SND1: variants seen among roughly 807,000 people sequenced by gnomAD.
SND1 encodes staphylococcal nuclease domain-containing protein 1.
SND1 carries 38 observed loss-of-function variants against 121.7 expected under a neutral mutation model. That is an observed-to-expected ratio of 0.31 (90% CI 0.24 to 0.41). The LOEUF is 0.41. Ranked by LOEUF, SND1 falls within the 10% of genes least tolerant of loss-of-function variation. SND1 has a pLI of 1.00. For missense variants in SND1, 868 were observed against 1,184.6 expected, an observed-to-expected ratio of 0.73 and a Z score of 3.92; for synonymous variants, 401 against 447.4, an observed-to-expected ratio of 0.90 and a Z score of 1.31.
chr7:127,827,871 G>A (rs911513858), intron 11 of SND1, among the ~76,000 whole-genome samples: 11 of 151,924 alleles, frequency 7.2e-5, no homozygotes, highest in African/African-American at 2.7e-4. Context: ...TATTTCAGAT[G>A]TAATTATACT....
intron 2 of SND1, among the ~76,000 whole-genome samples, chr7:127,693,305 A>C (rs1038864175): frequency 6.6e-6 from 1 of 152,176 alleles, no homozygotes; most frequent in African/African-American, 2.4e-5. Context: ...CATAAAATCA[A>C]GGTGAACTTG....
intron 15 of SND1, among the ~76,000 whole-genome samples, chr7:127,984,211 T>C (rs1377774112): frequency 6.6e-6 from 1 of 152,230 alleles, no homozygotes; most frequent in Non-Finnish European, 1.5e-5. Context: ...TCCTTTGGCA[T>C]GTCAGAAGCT....
chr7:128,088,808 A>C (rs1299083271), intron 21 of SND1, among the ~76,000 whole-genome samples: 1 of 151,694 alleles, frequency 6.6e-6, no homozygotes, highest in Non-Finnish European at 1.5e-5. Context: ...TCATGGACAT[A>C]GTGCACTGGA....
At chr7:127,869,447 A>T (rs1324478211) in intron 12 of SND1, among the ~76,000 whole-genome samples, 1 of 152,104 alleles carries the variant, frequency 6.6e-6, no homozygotes, top group Non-Finnish European at 1.5e-5. Flanking sequence ...ACCTTCAGAG[A>T]TTTATTCTGG....
intron 2 of SND1, among the ~76,000 whole-genome samples, chr7:127,688,727 A>T (rs73234879): frequency 3.2e-4 from 48 of 151,910 alleles, no homozygotes; most frequent in Non-Finnish European, 5.9e-4. Flanking sequence ...GTCTAAAAAA[A>T]AATAATAAAA....
chr7:128,014,694 T>G (rs1803188590), intron 16 of SND1, among the ~76,000 whole-genome samples: 1 of 152,038 alleles, frequency 6.6e-6, no homozygotes, highest in African/African-American at 2.4e-5. Context: ...GGCAGATCTG[T>G]GGAGGGGAGA....
At position 128,092,587 on chromosome 7, in the gene SND1, G is replaced by C. The variant is rs1793802184; in HGVS notation, c.*529G>C. The C allele has an allele frequency of 6.3e-6, 1 of 159,816 alleles. No homozygotes were observed. The highest frequency in any genetic ancestry group is 5.9e-5 in the Admixed American group (1 of 16,878). 9.9% of individuals were successfully genotyped at this position (159,816 alleles called of 1,614,324 possible). On this transcript the variant is annotated 3_prime_UTR_variant, in exon 24 of 24. Coordinates refer to ENST00000354725, the MANE Select transcript of SND1 (RefSeq NM_014390.4). This position sits in a 1 kb window ranked among gnomAD's most constrained non-coding sequence, Gnocchi z 4.9. ...GAGGCCCAATAAAATAGTACGTGCT[G>C]TCTGCAGCCCTTATTGATCACAGTG...
rs917528722 is a variant in SND1, at chr7:127,652,212, C to G, written c.-162C>G. 1.3e-5 allele frequency: 9 copies of G among 683,802 alleles called. No homozygotes were observed. Among genetic ancestry groups the G allele is most frequent in the East Asian group, 2.8e-5 (1 of 36,300 alleles). The allele number at this position is 683,802 out of a possible 1,614,324, so 42.4% of individuals were successfully genotyped here. The stretch of plus-strand genomic sequence containing the variant: ...ATCGCGTCTCTTTCGCTCCGTGTCC[C>G]GCTGCTGCTCCTGTGAGCGCCCGGC... On this transcript the variant is annotated 5_prime_UTR_variant, in exon 1 of 24. Coordinates refer to ENST00000354725, the MANE Select transcript of SND1 (RefSeq NM_014390.4).
chr7:128,068,183 G>A (rs1793349550), intron 16 of SND1, among the ~76,000 whole-genome samples: 2 of 152,060 alleles, frequency 1.3e-5, no homozygotes, highest in South Asian at 2.1e-4. Context: ...AATTTCCTCC[G>A]TGGTTTGAAA....
intron 16 of SND1, among the ~76,000 whole-genome samples, chr7:128,059,296 A>G (rs1793193620): frequency 6.6e-6 from 1 of 152,190 alleles, no homozygotes; most frequent in Non-Finnish European, 1.5e-5. Flanking sequence ...CATGTGTTTT[A>G]CATGGCATTT....
intron 11 of SND1, among the ~76,000 whole-genome samples, chr7:127,810,351 T>C (rs374559213): frequency 2.0e-4 from 30 of 152,286 alleles, no homozygotes; most frequent in African/African-American, 7.2e-4. Flanking sequence ...AGAAGAATAC[T>C]GTGTGTATCC....
At chr7:127,742,460 C>G (rs1796899211) in intron 10 of SND1, among the ~76,000 whole-genome samples, 1 of 152,046 alleles carries the variant, frequency 6.6e-6, no homozygotes, top group Non-Finnish European at 1.5e-5. Context: ...ATTCCAGATC[C>G]ACTGAACCCT....
At chr7:128,041,310 A>T (rs1311968760) in intron 16 of SND1, among the ~76,000 whole-genome samples, 2 of 152,178 alleles carry the variant, frequency 1.3e-5, no homozygotes, top group Admixed American at 6.5e-5. Context: ...TAAGAGGTGG[A>T]GGGCAGCGCA....
chr7:128,090,508 G>A (rs967652978), intron 22 of SND1, among the ~76,000 whole-genome samples: 2 of 152,182 alleles, frequency 1.3e-5, no homozygotes, highest in South Asian at 2.1e-4. Flanking sequence ...GGGGAAGCTC[G>A]GGCCCCCGAC....
chr7:127,758,500 C>T (rs1002791620), intron 10 of SND1, among the ~76,000 whole-genome samples: 1 of 151,876 alleles, frequency 6.6e-6, no homozygotes, highest in Non-Finnish European at 1.5e-5. Flanking sequence ...AATAGTATAT[C>T]AGGGGATTTT....
intron 15 of SND1, among the ~76,000 whole-genome samples, chr7:127,930,922 G>A (rs1584675359): frequency 6.6e-6 from 1 of 152,280 alleles, no homozygotes; most frequent in African/African-American, 2.4e-5. Context: ...TTCTCCAGCA[G>A]CATGTGTCTA....
intron 16 of SND1, among the ~76,000 whole-genome samples, chr7:128,053,389 C>T (rs1192319826): frequency 6.6e-6 from 1 of 152,172 alleles, no homozygotes; most frequent in Non-Finnish European, 1.5e-5. Context: ...CCTGTTCCAG[C>T]TCTGTGAGAT....
At chr7:127,734,492 C>A (rs1016241531) in intron 10 of SND1, among the ~76,000 whole-genome samples, 1 of 152,152 alleles carries the variant, frequency 6.6e-6, no homozygotes, top group Non-Finnish European at 1.5e-5. Flanking sequence ...TAGCTGAACT[C>A]GGTAAGGCAG....
At chr7:127,909,834 A>C (rs1163002881) in intron 14 of SND1, among the ~76,000 whole-genome samples, 3 of 152,230 alleles carry the variant, frequency 2.0e-5, no homozygotes, top group African/African-American at 7.2e-5. Flanking sequence ...TATTCATGAA[A>C]CGAAGTCTTA....
Sources: allele counts gnomAD v4.1 joint callset (sites outside exome capture counted in the v4.1 genomes callset), GRCh38; gene constraint gnomAD v4.1.1; non-coding constraint Gnocchi (gnomAD v3.1); transcripts MANE v1.5; gene names NCBI Gene and HGNC (gene_info 2026-07-23, HGNC 2026-07-21).